Variants in DLG2 observed in about 807,000 individuals in gnomAD.
DLG2 encodes the protein discs large MAGUK scaffold protein 2, also known as disks large homolog 2.
A neutral mutation model predicts 132.5 loss-of-function variants in DLG2; 45 were observed. That is an observed-to-expected ratio of 0.34 (90% CI 0.27 to 0.44). The LOEUF is 0.44. DLG2 is among the 20% of genes least tolerant of loss of function. The pLI is 1.00. For missense variants in DLG2, 1,045 were observed against 1,196.9 expected (o/e 0.87, Z 1.87); for synonymous variants, 424 against 419.6 (o/e 1.01, Z -0.13).
intron 6 of DLG2, among the ~76,000 whole-genome samples, chr11:84,906,600 G>C (rs1300028092): frequency 1.3e-5 from 2 of 151,994 alleles, no homozygotes; most frequent in African/African-American, 4.8e-5. Flanking sequence ...TAACTCCTAA[G>C]GATATAATGT....
intron 2 of DLG2, among the ~76,000 whole-genome samples, chr11:85,612,571 G>A (rs917345093): frequency 1.3e-5 from 2 of 152,164 alleles, no homozygotes; most frequent in Admixed American, 1.3e-4. Context: ...GACTGAACGA[G>A]GTCTTACTAA....
rs1567807647 is a variant in DLG2 at position 84,502,412 on chromosome 11, T to TTCTTTCTTTCCTC, written c.519+32157_519+32158insGAGGAAAGAAAGA. On this transcript the variant is annotated intron_variant, in intron 7 of 27. Transcript: ENST00000376104. ...TTTCTTTCTTTCTTTCTTTCTTTCT[T>TTCTTTCTTTCCTC]TCTATACAGAGTCTCATGCTGTCAC... Among the ~76,000 whole-genome samples, 105 of 115,610 alleles carry TTCTTTCTTTCCTC rather than the reference T, an allele frequency of 9.1e-4. 29 individuals carry two copies. The highest frequency in any genetic ancestry group is 3.9e-3 in the African/African-American group (101 of 25,926). The allele number at this position is 115,610 out of a possible 152,430, so 75.8% of individuals were successfully genotyped here.
chr11:83,765,834 T>C (rs2094118810), intron 18 of DLG2, among the ~76,000 whole-genome samples: 1 of 152,174 alleles, frequency 6.6e-6, no homozygotes, highest in South Asian at 2.1e-4. Flanking sequence ...CAATGGAAAG[T>C]TAAGGTATTA....
chr11:83,780,687 T>A (rs1444770645), intron 18 of DLG2, among the ~76,000 whole-genome samples: 1 of 152,160 alleles, frequency 6.6e-6, no homozygotes, highest in Non-Finnish European at 1.5e-5. Context: ...GACTTATGAA[T>A]TTGCTTGATA....
chr11:85,054,021 C>T (rs553889088), intron 6 of DLG2, among the ~76,000 whole-genome samples: 1 of 151,918 alleles, frequency 6.6e-6, no homozygotes, highest in African/African-American at 2.4e-5. Flanking sequence ...AATCCCAGAG[C>T]TTTGGGAGGC....
chr11:85,223,471 T>TA (rs1004618656), intron 4 of DLG2, among the ~76,000 whole-genome samples: 8 of 151,910 alleles, frequency 5.3e-5, no homozygotes, highest in Non-Finnish European at 8.8e-5. Context: ...CCATCTCTAT[T>TA]AAAAAAAATT....
intron 3 of DLG2, among the ~76,000 whole-genome samples, chr11:85,350,642 C>A (rs1274121733): frequency 1.3e-5 from 2 of 152,160 alleles, no homozygotes; most frequent in African/African-American, 4.8e-5. Context: ...GCCAGTTTTC[C>A]CAGCACCATT....
At chr11:85,536,742 A>C (rs2075611921) in intron 3 of DLG2, among the ~76,000 whole-genome samples, 1 of 152,232 alleles carries the variant, frequency 6.6e-6, no homozygotes, top group Non-Finnish European at 1.5e-5. Flanking sequence ...GCTGGGCTTG[A>C]TCAGAGGCTG....
At chr11:83,668,794 AACAC>A (rs1238221829) in intron 18 of DLG2, among the ~76,000 whole-genome samples, 9 of 83,150 alleles carry the variant, frequency 1.1e-4, no homozygotes, top group Admixed American at 2.2e-4. Flanking sequence ...TGTGTATATA[AACAC>A]ACATATATAT....
chr11:85,393,170 A>G lies in DLG2; in HGVS notation c.41-107805T>C, dbSNP rs113566450. Among the ~76,000 whole-genome samples the G allele has an allele frequency of 7.8e-3, 1,187 of 152,320 alleles. 14 individuals are homozygous for G. The highest frequency in any genetic ancestry group is 0.027 in the African/African-American group (1,122 of 41,570). ...ATCAAAAAGTGGGCAAAGGACATGA[A>G]TAAATAATTCTCAAAAGAAAATATG... is the stretch of plus-strand genomic sequence containing the variant. On this transcript the variant is annotated intron_variant, in intron 3 of 27. Transcript: ENST00000376104.
At chr11:84,917,101 C>G (rs945305598) in intron 6 of DLG2, among the ~76,000 whole-genome samples, 1 of 152,214 alleles carries the variant, frequency 6.6e-6, no homozygotes, top group African/African-American at 2.4e-5. Context: ...ACCTACCTCA[C>G]TAGCAATAAG....
chr11:84,621,383 T>C (rs866281530), intron 6 of DLG2, among the ~76,000 whole-genome samples: 1 of 152,128 alleles, frequency 6.6e-6, no homozygotes, highest in South Asian at 2.1e-4. Context: ...AAGATTATGG[T>C]GTTTTTAAAA....
chr11:85,361,083 C>T (rs977515326), intron 3 of DLG2, among the ~76,000 whole-genome samples: 4 of 152,034 alleles, frequency 2.6e-5, no homozygotes, highest in African/African-American at 7.2e-5. Flanking sequence ...GTGACTTGTA[C>T]AAGGTCACAC....
intron 3 of DLG2, among the ~76,000 whole-genome samples, chr11:85,545,744 C>A (rs1249903789): frequency 1.3e-5 from 2 of 152,142 alleles, no homozygotes; most frequent in East Asian, 3.8e-4. Flanking sequence ...GGAACTTATC[C>A]ATTTCTTCTA....
At chr11:83,631,224 G>A (rs904939710) in intron 19 of DLG2, 3 of 140,622 alleles carry the variant, frequency 2.1e-5, no homozygotes, top group Non-Finnish European at 3.0e-5. Flanking sequence ...ATAAGGCCAG[G>A]GGGCTCTTGT....
At chr11:84,050,835 T>C (rs4944459) in intron 11 of DLG2, among the ~76,000 whole-genome samples, 119,002 of 151,708 alleles carry the variant, frequency 0.78, 47,186 homozygotes, top group Non-Finnish European at 0.86. Context: ...TGTAGATATG[T>C]GGCATTATTT....
intron 6 of DLG2, among the ~76,000 whole-genome samples, chr11:85,038,652 C>T (rs2061603241): frequency 6.6e-6 from 1 of 152,032 alleles, no homozygotes; most frequent in Admixed American, 6.6e-5. Flanking sequence ...CTTTAATCAA[C>T]TTAAAATAGT....
chr11:83,469,069 G>C, intron 25 of DLG2, 132 bp downstream of exon 25: 1 of 687,698 alleles, frequency 1.5e-6, no homozygotes, highest in Non-Finnish European at 2.5e-6. Context: ...TTCTCTGCTT[G>C]GATGTTTTAA....
intron 7 of DLG2, among the ~76,000 whole-genome samples, chr11:84,381,283 A>C (rs1409722900): frequency 1.3e-5 from 2 of 152,068 alleles, no homozygotes; most frequent in Non-Finnish European, 2.9e-5. Flanking sequence ...TTTTACAGAC[A>C]AGTTCTTCCA....
Sources: allele counts gnomAD v4.1 joint callset (sites outside exome capture counted in the v4.1 genomes callset), GRCh38; gene constraint gnomAD v4.1.1; transcripts MANE v1.5; gene names NCBI Gene and HGNC (gene_info 2026-07-23, HGNC 2026-07-21).